Variants in BLOC1S5 observed in about 807,000 individuals in gnomAD.
BLOC1S5 encodes the protein biogenesis of lysosomal organelles complex 1 subunit 5, also known as biogenesis of lysosome-related organelles complex 1 subunit 5.
Under a neutral mutation model 24.3 loss-of-function variants are expected in BLOC1S5, and 27 were observed. The ratio of observed to expected loss-of-function variants is 1.11; its 90% CI spans 0.82 to 1.53. The LOEUF (loss-of-function observed/expected upper bound fraction) is 1.53. BLOC1S5 is among the 40% of genes most tolerant of loss of function. The pLI is 0.00. For synonymous variants in BLOC1S5, 84 were observed against 74.5 expected (o/e 1.13, Z -0.66); for missense variants, 239 against 229.4 (o/e 1.04, Z -0.27).
At position 8,015,609 on chromosome 6, in the gene BLOC1S5, A is replaced by T. The variant is rs773222151; in HGVS notation, c.*40T>A. The T allele has an allele frequency of 2.4e-5, 38 of 1,579,946 alleles. No homozygotes were observed. In the South Asian group the frequency reaches 4.0e-4, roughly 17 times the overall value. Reference sequence around the variant, plus strand: ...GGAATAGTTTTCAGGAGAGAGGTGAACATCTTCTCATTAGTTTGTGATTGT... The same window carrying T: ...GGAATAGTTTTCAGGAGAGAGGTGATCATCTTCTCATTAGTTTGTGATTGT... On this transcript the variant is annotated 3_prime_UTR_variant, in exon 5 of 5. Transcript: ENST00000397457.
At chr6:8,044,813 C>G (rs1763823110) in intron 2 of BLOC1S5, among the ~76,000 whole-genome samples, 1 of 152,142 alleles carries the variant, frequency 6.6e-6, no homozygotes, top group Non-Finnish European at 1.5e-5. Context: ...GAAGAAATTT[C>G]TAAGGAGCAA....
intron 2 of BLOC1S5, among the ~76,000 whole-genome samples, chr6:8,046,899 C>T (rs898778211): frequency 1.3e-5 from 2 of 151,342 alleles, no homozygotes; most frequent in African/African-American, 4.9e-5. Flanking sequence ...TCTCAGCCTC[C>T]CAATAGCTGG....
intron 2 of BLOC1S5, among the ~76,000 whole-genome samples, chr6:8,052,888 ACT>A (rs1764169522): frequency 6.9e-6 from 1 of 144,126 alleles, no homozygotes; most frequent in Admixed American, 7.0e-5. Flanking sequence ...ACAGAGCGAG[ACT>A]CTGTCAAAAA....
At chr6:8,051,585 G>A (rs1036767732) in intron 2 of BLOC1S5, among the ~76,000 whole-genome samples, 6 of 152,312 alleles carry the variant, frequency 3.9e-5, no homozygotes, top group South Asian at 2.1e-4. Context: ...AGCAGAAAAC[G>A]CCATCTAGGA....
intron 2 of BLOC1S5, among the ~76,000 whole-genome samples, chr6:8,057,420 T>C (rs1764353795): frequency 1.3e-5 from 2 of 152,234 alleles, no homozygotes; most frequent in South Asian, 4.1e-4. Context: ...TGTTTATTTA[T>C]ATATGTATAT....
intron 2 of BLOC1S5, among the ~76,000 whole-genome samples, chr6:8,054,580 T>C (rs1377021452): frequency 6.6e-6 from 1 of 152,252 alleles, no homozygotes; most frequent in African/African-American, 2.4e-5. Flanking sequence ...AGCCCCTGGC[T>C]GTTATTCCAT....
chr6:8,040,916 AAC>A (rs1311496414), intron 3 of BLOC1S5, among the ~76,000 whole-genome samples: 1 of 152,094 alleles, frequency 6.6e-6, no homozygotes, highest in African/African-American at 2.4e-5. Flanking sequence ...TCACATACTA[AAC>A]AGATTGTCTC....
intron 2 of BLOC1S5, among the ~76,000 whole-genome samples, chr6:8,046,299 A>C (rs532394848): frequency 6.6e-6 from 1 of 152,286 alleles, no homozygotes; most frequent in East Asian, 1.9e-4. Flanking sequence ...GGAACTGTTT[A>C]AGTCCAATTA....
intron 4 of BLOC1S5, 114 bp downstream of exon 4, chr6:8,026,253 T>A (rs543534551): frequency 6.4e-6 from 5 of 781,618 alleles, no homozygotes; most frequent in Non-Finnish European, 1.0e-5. Flanking sequence ...TCAGCCATTT[T>A]AAAATATGTA....
chr6:8,062,398 C>A (rs1431336284), intron 2 of BLOC1S5, 136 bp downstream of exon 2: 5 of 604,766 alleles, frequency 8.3e-6, no homozygotes, highest in Non-Finnish European at 1.4e-5. Context: ...ATTTTTACGT[C>A]TTCATCATTT....
intron 2 of BLOC1S5, among the ~76,000 whole-genome samples, chr6:8,056,831 G>C (rs1402392476): frequency 6.6e-6 from 1 of 152,108 alleles, no homozygotes; most frequent in Non-Finnish European, 1.5e-5. Context: ...TTATTTAAAG[G>C]GTTATTTATT....
chr6:8,057,736 C>T (rs1303345208), intron 2 of BLOC1S5, among the ~76,000 whole-genome samples: 1 of 152,140 alleles, frequency 6.6e-6, no homozygotes, highest in Non-Finnish European at 1.5e-5. Context: ...TCAATTTAAC[C>T]CACATTAGAA....
At chr6:8,027,702 C>A (rs1561857607) in intron 3 of BLOC1S5, among the ~76,000 whole-genome samples, 1 of 151,844 alleles carries the variant, frequency 6.6e-6, no homozygotes, top group African/African-American at 2.4e-5. Context: ...GGAATAGTGG[C>A]ACATGCCTGT....
chr6:8,027,993 AT>A (rs1763166918), intron 3 of BLOC1S5, among the ~76,000 whole-genome samples: 1 of 152,210 alleles, frequency 6.6e-6, no homozygotes, highest in African/African-American at 2.4e-5. Flanking sequence ...AGCCCTCCTG[AT>A]TAGTCCCTTC....
At chr6:8,018,004 T>C (rs1472129543) in intron 4 of BLOC1S5, 1 of 152,242 alleles carries the variant, frequency 6.6e-6, no homozygotes, top group African/African-American at 2.4e-5. Flanking sequence ...CACGTCAACT[T>C]CTTTCCAATT....
chr6:8,031,395 C>T (rs1265446414), intron 3 of BLOC1S5, among the ~76,000 whole-genome samples: 2 of 151,948 alleles, frequency 1.3e-5, no homozygotes, highest in Non-Finnish European at 2.9e-5. Flanking sequence ...GCAAAAAAAG[C>T]AAAATACTTG....
intron 4 of BLOC1S5, among the ~76,000 whole-genome samples, chr6:8,024,967 G>C (rs1313710943): frequency 6.6e-6 from 1 of 152,186 alleles, no homozygotes; most frequent in East Asian, 1.9e-4. Flanking sequence ...ACCCAATCTG[G>C]TCATCTTCCT....
intron 2 of BLOC1S5, among the ~76,000 whole-genome samples, chr6:8,052,180 G>T (rs1009071987): frequency 2.0e-4 from 30 of 151,886 alleles, no homozygotes; most frequent in African/African-American, 7.2e-4. Flanking sequence ...TGTTAGCCAG[G>T]ATGGTCTCGA....
At chr6:8,037,589 A>T (rs1182464789) in intron 3 of BLOC1S5, among the ~76,000 whole-genome samples, 3 of 152,208 alleles carry the variant, frequency 2.0e-5, no homozygotes, top group African/African-American at 7.2e-5. Context: ...CAAAATACCA[A>T]CGACATTTTT....
Sources: gnomAD v4.1 joint callset for allele counts (sites outside exome capture counted in the v4.1 genomes callset) on GRCh38, gnomAD v4.1.1 for gene constraint, MANE v1.5 for transcripts, NCBI Gene and HGNC (gene_info 2026-07-23, HGNC 2026-07-21) for gene names.